Variants in ADARB2 observed in about 807,000 individuals in gnomAD.
The protein encoded by ADARB2 is inactive double-stranded RNA-specific editase B2.
Under a neutral mutation model 62.2 loss-of-function variants are expected in ADARB2, and 25 were observed. The ratio of observed to expected loss-of-function variants is 0.40; its 90% CI spans 0.29 to 0.56. The LOEUF is 0.56. ADARB2 is among the 20% of genes least tolerant of loss of function. ADARB2 has a pLI of 0.43. For synonymous variants in ADARB2, 572 were observed against 500.8 expected (o/e 1.14, Z -1.90); for missense variants, 1,071 against 1,077.4 (o/e 0.99, Z 0.08).
At chr10:1,337,726 A>G (rs1447882434) in intron 3 of ADARB2, among the ~76,000 whole-genome samples, 1 of 152,162 alleles carries the variant, frequency 6.6e-6, no homozygotes, top group Non-Finnish European at 1.5e-5. Flanking sequence ...CACTCCAATT[A>G]TTGATACGAT....
intron 1 of ADARB2, among the ~76,000 whole-genome samples, chr10:1,467,630 C>T (rs528170931): frequency 6.6e-5 from 10 of 152,310 alleles, no homozygotes; most frequent in East Asian, 3.9e-4. Context: ...CCAGCACACA[C>T]GGACTATTAA....
chr10:1,441,778 A>T (rs2131895983), intron 1 of ADARB2, among the ~76,000 whole-genome samples: 1 of 152,340 alleles, frequency 6.6e-6, no homozygotes, highest in African/African-American at 2.4e-5. Context: ...ATTGACATTG[A>T]TAATAGGATA....
intron 1 of ADARB2, among the ~76,000 whole-genome samples, chr10:1,725,125 A>G (rs966445846): frequency 6.6e-6 from 1 of 152,222 alleles, no homozygotes; most frequent in East Asian, 1.9e-4. Context: ...TCCCAACCAG[A>G]TGAACCTGCC....
chr10:1,553,755 G>A (rs1272065808), intron 1 of ADARB2, among the ~76,000 whole-genome samples: 2 of 152,138 alleles, frequency 1.3e-5, no homozygotes, highest in Admixed American at 6.5e-5. Context: ...CGTTTGGAGC[G>A]CAGGCAGAAG....
chr10:1,186,483 G>A (rs777848475), intron 8 of ADARB2: 10 of 518,968 alleles, frequency 1.9e-5, no homozygotes, highest in South Asian at 1.1e-4. Flanking sequence ...CACCTCCCGC[G>A]GCACCTGCAT....
At chr10:1,729,537 A>AT (rs369687207) in intron 1 of ADARB2, among the ~76,000 whole-genome samples, 186 of 152,218 alleles carry the variant, frequency 1.2e-3, no homozygotes, top group Non-Finnish European at 2.0e-3. Flanking sequence ...ATTAAATTGC[A>AT]TTTTTTTCCC....
intron 7 of ADARB2, among the ~76,000 whole-genome samples, chr10:1,207,498 GT>G (rs1837085021): frequency 6.6e-6 from 1 of 152,192 alleles, no homozygotes; most frequent in Non-Finnish European, 1.5e-5. Context: ...CCTCAGTGGA[GT>G]CAACAAATCA....
At chr10:1,366,392 G>A (rs542411917) in intron 2 of ADARB2, among the ~76,000 whole-genome samples, 4 of 152,266 alleles carry the variant, frequency 2.6e-5, no homozygotes, top group Non-Finnish European at 4.4e-5. Context: ...TACTACCCTC[G>A]CTGGTGAATG....
At chr10:1,481,514 C>T (rs1268963508) in intron 1 of ADARB2, among the ~76,000 whole-genome samples, 3 of 152,128 alleles carry the variant, frequency 2.0e-5, no homozygotes, top group Non-Finnish European at 4.4e-5. Context: ...GAAATAGAAA[C>T]CCACAGAGTG....
chr10:1,312,474 A>G (rs997877464), intron 3 of ADARB2, among the ~76,000 whole-genome samples: 3 of 152,206 alleles, frequency 2.0e-5, no homozygotes, highest in African/African-American at 7.2e-5. Context: ...AACAGATTTC[A>G]AAGACCACCT....
At chr10:1,593,418 G>A (rs959961350) in intron 1 of ADARB2, among the ~76,000 whole-genome samples, 18 of 151,886 alleles carry the variant, frequency 1.2e-4, no homozygotes, top group African/African-American at 2.4e-4. Context: ...TCCATAGGTC[G>A]CCTCTCTGGT....
rs563946418 is a variant in ADARB2, at chr10:1,471,652, C to T, written c.101-92492G>A. 2.0e-5 allele frequency among the ~76,000 whole-genome samples: 3 copies of T among 152,164 alleles called. No individual in the cohort carries two copies. The East Asian group carries it at 5.8e-4, about 29-fold the overall frequency. ...AGGTGATCCTCCCGCCTTGGCCTCCCAAAGTGCTGGGATTATAGGCATGAG... is the reference window on the plus strand; with the variant it reads ...AGGTGATCCTCCCGCCTTGGCCTCCTAAAGTGCTGGGATTATAGGCATGAG... On this transcript the variant is annotated intron_variant, in intron 1 of 9. Coordinates refer to ENST00000381312, the MANE Select transcript of ADARB2 (RefSeq NM_018702.4).
rs1831076010 is a variant in ADARB2 at position 1,255,971 on chromosome 10, A to C, written c.1193-13672T>G. ...TCTGGCACATTCTCCTACTGAATTAACTTGACTTTTCCAAAGTATACTTGC... is the reference window on the plus strand; with the variant it reads ...TCTGGCACATTCTCCTACTGAATTACCTTGACTTTTCCAAAGTATACTTGC... On this transcript the variant is annotated intron_variant, in intron 4 of 9. Coordinates refer to ENST00000381312, the MANE Select transcript of ADARB2 (RefSeq NM_018702.4). The surrounding 1 kb of genome is among the most constrained non-coding windows in gnomAD (Gnocchi z 4.7). Among the ~76,000 whole-genome samples the C allele has an allele frequency of 6.6e-6, 1 of 152,148 alleles. No homozygotes were observed. The highest frequency in any genetic ancestry group is 2.4e-5 in the African/African-American group (1 of 41,436).
At chr10:1,646,032 A>G (rs1239449196) in intron 1 of ADARB2, among the ~76,000 whole-genome samples, 1 of 152,168 alleles carries the variant, frequency 6.6e-6, no homozygotes, top group Non-Finnish European at 1.5e-5. Context: ...TGTCCCAGGG[A>G]CACATGAGGA....
At chr10:1,717,074 C>G (rs1428114246) in intron 1 of ADARB2, among the ~76,000 whole-genome samples, 1 of 148,388 alleles carries the variant, frequency 6.7e-6, no homozygotes, top group Non-Finnish European at 1.5e-5. Context: ...ACATGTTATT[C>G]TGATCACATG....
intron 3 of ADARB2, among the ~76,000 whole-genome samples, chr10:1,313,583 C>T (rs1831711351): frequency 6.6e-6 from 1 of 152,192 alleles, no homozygotes; most frequent in Non-Finnish European, 1.5e-5. Flanking sequence ...CTGTGAGGCA[C>T]CACCTCCTGG....
intron 8 of ADARB2, among the ~76,000 whole-genome samples, chr10:1,197,307 T>G (rs957147032): frequency 1.3e-5 from 2 of 152,164 alleles, no homozygotes; most frequent in African/African-American, 2.4e-5. Flanking sequence ...TGGACATAAA[T>G]GGCAACAGAG....
intron 1 of ADARB2, among the ~76,000 whole-genome samples, chr10:1,510,110 C>CTCTTTCTTTCTTTCTTTCTTTCTTTCTT (rs35894676): frequency 6.5e-4 from 69 of 106,250 alleles, no homozygotes; most frequent in East Asian, 2.3e-3. Context: ...CTTTCTTTCT[C>CTCTTTCTTTCTTTCTTTCTTTCTTTCTT]TCTTTCTTTC....
At chr10:1,444,017 C>G (rs1235685326) in intron 1 of ADARB2, among the ~76,000 whole-genome samples, 1 of 146,840 alleles carries the variant, frequency 6.8e-6, no homozygotes, top group Non-Finnish European at 1.5e-5. Flanking sequence ...ATCCACCCAT[C>G]CATCCATCCA....
Sources: allele counts gnomAD v4.1 joint callset (sites outside exome capture counted in the v4.1 genomes callset), GRCh38; gene constraint gnomAD v4.1.1; non-coding constraint Gnocchi (gnomAD v3.1); transcripts MANE v1.5; gene names NCBI Gene and HGNC (gene_info 2026-07-23, HGNC 2026-07-21).